JAK1: variants seen among roughly 807,000 people sequenced by gnomAD.
JAK1 encodes the protein tyrosine-protein kinase JAK1.
Under a neutral mutation model 136.6 loss-of-function variants are expected in JAK1, and 16 were observed. The observed-to-expected ratio is 0.12, with a 90% CI of 0.08 to 0.18. The LOEUF is 0.18. Ranked by LOEUF, JAK1 falls within the 10% of genes least tolerant of loss-of-function variation. JAK1 has a pLI of 1.00. For missense variants in JAK1, 859 were observed against 1,450.1 expected (o/e 0.59, Z 6.62); for synonymous variants, 492 against 519.5 (o/e 0.95, Z 0.72).
chr1:64,946,139 C>T (rs566028725), intron 1 of JAK1, among the ~76,000 whole-genome samples: 1 of 151,710 alleles, frequency 6.6e-6, no homozygotes, highest in African/African-American at 2.4e-5. Context: ...AAATGCTTGC[C>T]AAGAAAGCCT....
rs758758044 is a variant in JAK1 at position 64,873,502 on chromosome 1, A to G, written c.351T>C (p.His117=). 9 of 1,614,170 alleles carry G rather than the reference A, an allele frequency of 5.6e-6. No individual in the cohort carries two copies. Among genetic ancestry groups the G allele is most frequent in the Non-Finnish European group, 5.1e-6 (6 of 1,180,004 alleles). The change falls in exon 5 of 25, where the codon CAT becomes CAC. Residue 117 remains histidine (H), a synonymous_variant. Coordinates refer to ENST00000342505, the MANE Select transcript of JAK1 (RefSeq NM_002227.4). ...CTGACTGCTCATTGTCGTTGGTTCC[A>G]TGCCAATTGGTGAAATAGAACCTGG... ...YRMRFYFTNW[H]GTNDNEQSVW... is the part of the protein sequence containing the mutation.
rs1437507163 is a variant in JAK1, at chr1:64,834,508, TGTTGCAGGAGAA to T, written c.*42_*53del. The T allele has an allele frequency of 8.3e-7, 1 of 1,210,024 alleles. No homozygotes were observed. The highest frequency in any genetic ancestry group is 1.9e-5 in the Admixed American group (1 of 52,400). The allele number at this position is 1,210,024 out of a possible 1,614,324, so 75.0% of individuals were successfully genotyped here. On this transcript the variant is annotated 3_prime_UTR_variant, in exon 25 of 25. Coordinates refer to ENST00000342505, the MANE Select transcript of JAK1 (RefSeq NM_002227.4). ...ATTTTTAAAAAATGACTTGGGCATT[TGTTGCAGGAGAA>T]GGACTTGATAATCTGTGGAATTTAA...
intron 1 of JAK1, among the ~76,000 whole-genome samples, chr1:64,957,943 C>CA (rs11337629): frequency 1.4e-5 from 2 of 146,948 alleles, no homozygotes; most frequent in African/African-American, 2.5e-5. Context: ...GACTCCGTCT[C>CA]AAAAAAAAAA....
At chr1:64,849,351 A>C (rs1401046676) in intron 12 of JAK1, among the ~76,000 whole-genome samples, 1 of 152,112 alleles carries the variant, frequency 6.6e-6, no homozygotes, top group Non-Finnish European at 1.5e-5. Context: ...CACTACACGC[A>C]GCTCATTTTT....
chr1:64,977,010 C>T (rs947923692), intron 2 of JAK1, among the ~76,000 whole-genome samples: 3 of 152,166 alleles, frequency 2.0e-5, no homozygotes, highest in Admixed American at 6.5e-5. Context: ...GATTGTATTT[C>T]TCCCTTTGAT....
intron 1 of JAK1, among the ~76,000 whole-genome samples, chr1:64,964,895 A>G (rs1421920616): frequency 6.6e-6 from 1 of 152,190 alleles, no homozygotes; most frequent in Admixed American, 6.5e-5. Context: ...GGTGGTCTCC[A>G]TTAATCTTCA....
At chr1:65,066,954 G>A (rs1648078235) in intron 1 of JAK1, among the ~76,000 whole-genome samples, 1 of 151,906 alleles carries the variant, frequency 6.6e-6, no homozygotes. Flanking sequence ...TCCCCTCCGG[G>A]GGCCGAGCCA....
At chr1:64,886,217 G>T in intron 2 of JAK1, 42 bp downstream of exon 2, 1 of 1,314,940 alleles carries the variant, frequency 7.6e-7, no homozygotes, top group Non-Finnish European at 1.1e-6. Flanking sequence ...TTTTTTTAAA[G>T]CCAGATATTT....
intron 19 of JAK1, 79 bp from the exon 20 acceptor site, chr1:64,839,874 C>T (rs1654778015): frequency 3.2e-6 from 4 of 1,253,028 alleles, no homozygotes; most frequent in Non-Finnish European, 3.3e-6. Context: ...TTGCTCCTCA[C>T]AGCCGTTCCC....
At chr1:65,030,237 C>T (rs947295704) in intron 2 of JAK1, among the ~76,000 whole-genome samples, 1 of 152,202 alleles carries the variant, frequency 6.6e-6, no homozygotes, top group Non-Finnish European at 1.5e-5. Flanking sequence ...CAGCTGGCAT[C>T]TTGATCTTGG....
intron 2 of JAK1, among the ~76,000 whole-genome samples, chr1:64,978,781 A>T (rs1646518536): frequency 6.6e-6 from 1 of 152,126 alleles, no homozygotes; most frequent in Non-Finnish European, 1.5e-5. Context: ...TCTGACAATC[A>T]AGGCCGGGGT....
chr1:64,839,542 C>G (rs1404014794), intron 20 of JAK1, 61 bp downstream of exon 20: 1 of 1,482,560 alleles, frequency 6.7e-7, no homozygotes, highest in East Asian at 2.3e-5. Flanking sequence ...TTTGCACTGG[C>G]CTTTATGACC....
chr1:64,854,265 G>A lies in JAK1; in HGVS notation c.1648+1244C>T, dbSNP rs564752679. 1.4e-4 allele frequency among the ~76,000 whole-genome samples: 21 copies of A among 152,258 alleles called. No homozygotes were observed. The South Asian group carries it at 3.9e-3, about 29-fold the overall frequency. On this transcript the variant is annotated intron_variant, in intron 11 of 24. Transcript: ENST00000342505. ...TGGTGGTGTGAGGGTTTATGGACAC[G>A]TTCGCTTGGAAGAACAAGATGTGTC...
chr1:65,051,301 T>TA (rs1183891430), intron 1 of JAK1, among the ~76,000 whole-genome samples: 1 of 151,960 alleles, frequency 6.6e-6, no homozygotes, highest in African/African-American at 2.4e-5. Context: ...TCCCTCTCCA[T>TA]AAAAAAGGGT....
rs1442279507 is a variant in JAK1 at position 64,834,423 on chromosome 1, A to T, written c.*139T>A. On this transcript the variant is annotated 3_prime_UTR_variant, in exon 25 of 25. Transcript: ENST00000342505. Reference sequence around the variant, plus strand: ...ACTACAGTGTGCCTTATACATGTATATGTACTGAAGTATGAGTTCAGTGAC... The same window carrying T: ...ACTACAGTGTGCCTTATACATGTATTTGTACTGAAGTATGAGTTCAGTGAC... 1.6e-6 allele frequency: 1 copy of T among 619,830 alleles called. No individual in the cohort carries two copies. The highest frequency in any genetic ancestry group is 1.8e-5 in the African/African-American group (1 of 54,124). 38.4% of individuals were successfully genotyped at this position (619,830 alleles called of 1,614,324 possible).
In JAK1 at chr1:64,915,226, G is replaced by A. The variant is rs945643827; in HGVS notation, c.-77-28885C>T. On this transcript the variant is annotated intron_variant, in intron 1 of 24. Transcript: ENST00000342505. ...ACATATTTTTAAAATATATAAAGTA[G>A]TATAATAAATACAGCATGGCTTTTC... Among the ~76,000 whole-genome samples, 8 of 152,120 alleles carry A rather than the reference G, an allele frequency of 5.3e-5. No individual in the cohort carries two copies. In the South Asian group the frequency reaches 8.3e-4, roughly 16 times the overall value.
At chr1:65,002,422 G>C (rs769482551) in intron 2 of JAK1, 1 of 152,198 alleles carries the variant, frequency 6.6e-6, no homozygotes, top group African/African-American at 2.4e-5. Context: ...GATTTGATTC[G>C]CAGCTCTGCC....
At chr1:65,034,241 T>C (rs1434693702) in intron 2 of JAK1, among the ~76,000 whole-genome samples, 1 of 152,214 alleles carries the variant, frequency 6.6e-6, no homozygotes, top group African/African-American at 2.4e-5. Context: ...CGGGATGGCA[T>C]ATAAATAGGG....
At chr1:64,853,887 G>A (rs927406867) in intron 11 of JAK1, among the ~76,000 whole-genome samples, 1 of 152,176 alleles carries the variant, frequency 6.6e-6, no homozygotes, top group African/African-American at 2.4e-5. Flanking sequence ...CAGTCAGGTG[G>A]GAAAGGCAAC....
Sources: gnomAD v4.1 joint callset for allele counts (sites outside exome capture counted in the v4.1 genomes callset) on GRCh38, gnomAD v4.1.1 for gene constraint, MANE v1.5 for transcripts, NCBI Gene and HGNC (gene_info 2026-07-23, HGNC 2026-07-21) for gene names.